ATRX: variants seen among roughly 807,000 people sequenced by gnomAD.
The protein encoded by ATRX is chromatin remodeler ATRX.
In ATRX, 12 loss-of-function variants were observed where a neutral mutation model predicts 172.6. That is an observed-to-expected ratio of 0.07 (90% CI 0.04 to 0.11). ATRX has a LOEUF of 0.11. ATRX is among the 10% of genes least tolerant of loss of function. The probability of loss-of-function intolerance (pLI) is 1.00; values close to 1 mark genes in which losing one functional copy is unlikely to be tolerated. For missense variants in ATRX, 1,368 were observed against 1,767.4 expected, an observed-to-expected ratio of 0.77 and a Z score of 4.05; for synonymous variants, 674 against 594.7, an observed-to-expected ratio of 1.13 and a Z score of -1.94.
At chrX:77,684,662 A>T in intron 8 of ATRX, 69 bp from the exon 9 acceptor site, 1 of 1,067,765 alleles carries the variant, frequency 9.4e-7, no homozygotes, top group Non-Finnish European at 1.3e-6. Context: ...GTAAAAAAAT[A>T]AAAATAAACA....
intron 1 of ATRX, among the ~76,000 whole-genome samples, chrX:77,762,910 A>G: frequency 9.0e-6 from 1 of 111,238 alleles, no homozygotes. Context: ...CCAGAAGAAA[A>G]AAAATCAACT....
At chrX:77,553,971 T>C (rs1189342922) in intron 30 of ATRX, among the ~76,000 whole-genome samples, 1 of 111,734 alleles carries the variant, frequency 8.9e-6, no homozygotes, top group African/African-American at 3.3e-5. Flanking sequence ...CCCCAAAAAG[T>C]TTAAATCAAT....
intron 1 of ATRX, among the ~76,000 whole-genome samples, chrX:77,728,501 A>T (rs1351556946): frequency 8.9e-6 from 1 of 111,823 alleles, no homozygotes; most frequent in East Asian, 2.8e-4. Context: ...TGCATGAAGA[A>T]ATGAATATAA....
chrX:77,696,597 G>T lies in ATRX; in HGVS notation c.350C>A (p.Thr117Asn). The T allele has an allele frequency of 8.3e-7, 1 of 1,206,505 alleles. No individual in the cohort carries two copies. Among genetic ancestry groups the T allele is most frequent in the Non-Finnish European group, 1.1e-6 (1 of 891,147 alleles). The change falls in exon 5 of 35, where the codon ACT (threonine) becomes AAT (asparagine). Residue 117 changes from threonine to asparagine, a missense_variant. By Grantham distance (65) the Thr-to-Asn change is moderately conservative. Around this residue, in one of 17 missense-constraint regions of ATRX, gnomAD observed 84 missense variants for 82.8 expected, o/e 1.01. Transcript: ENST00000373344. ...ASNENSENDI[T>N]MQSLPKGTVI... The stretch of plus-strand genomic sequence containing the variant: ...ATTACCTTTTGGCAAGCTCTGCATA[G>T]TAATATCATTTTCTGAATTTTCATT...
chrX:77,658,085 C>T (rs781966853), intron 12 of ATRX, among the ~76,000 whole-genome samples: 21 of 110,930 alleles, frequency 1.9e-4, no homozygotes, highest in Non-Finnish European at 4.0e-4. Context: ...ATGGTACACA[C>T]CTGTGGTCCC....
At chrX:77,617,074 G>A (rs935701115) in intron 21 of ATRX, among the ~76,000 whole-genome samples, 2 of 111,632 alleles carry the variant, frequency 1.8e-5, no homozygotes, top group Non-Finnish European at 3.8e-5. Context: ...GATGTAGTAG[G>A]TAGTGTGAGC....
At chrX:77,549,931 G>C (rs2064407697) in intron 30 of ATRX, among the ~76,000 whole-genome samples, 1 of 111,296 alleles carries the variant, frequency 9.0e-6, no homozygotes, top group African/African-American at 3.3e-5. Flanking sequence ...ACCAGCCTAG[G>C]CAATAGAACG....
chrX:77,615,221 A>C (rs782493910), intron 22 of ATRX, among the ~76,000 whole-genome samples: 1 of 110,525 alleles, frequency 9.0e-6, no homozygotes, highest in East Asian at 2.8e-4. Context: ...CTAGTCCCCA[A>C]CTCCTGAGCT....
chrX:77,552,673 G>A (rs2064601156), intron 30 of ATRX, among the ~76,000 whole-genome samples: 1 of 111,438 alleles, frequency 9.0e-6, no homozygotes, highest in Non-Finnish European at 1.9e-5. Flanking sequence ...AGCACAGAAT[G>A]CAGTTCTTGC....
intron 28 of ATRX, among the ~76,000 whole-genome samples, chrX:77,565,590 T>C (rs1301406586): frequency 8.9e-6 from 1 of 112,086 alleles, no homozygotes; most frequent in Non-Finnish European, 1.9e-5. Flanking sequence ...GCACAGCAGC[T>C]CAGGCCTGTA....
chrX:77,648,596 A>G (rs868908414), intron 15 of ATRX, among the ~76,000 whole-genome samples: 10 of 102,673 alleles, frequency 9.7e-5, no homozygotes, highest in Non-Finnish European at 1.4e-4. Flanking sequence ...CAAACAATAG[A>G]AAAAAAATTA....
chrX:77,754,161 CCTT>C (rs1408155755), intron 1 of ATRX, among the ~76,000 whole-genome samples: 3 of 111,027 alleles, frequency 2.7e-5, no homozygotes, highest in African/African-American at 9.8e-5. Flanking sequence ...TTACAACACC[CCTT>C]TTTTTTTTGT....
intron 10 of ATRX, among the ~76,000 whole-genome samples, chrX:77,666,763 G>A (rs1388091926): frequency 8.9e-6 from 1 of 111,859 alleles, no homozygotes; most frequent in Non-Finnish European, 1.9e-5. Flanking sequence ...AGGAGGCTGA[G>A]GCAGGAGAAT....
At chrX:77,581,546 G>A (rs1177749298) in intron 27 of ATRX, among the ~76,000 whole-genome samples, 7 of 111,434 alleles carry the variant, frequency 6.3e-5, no homozygotes, top group Admixed American at 1.9e-4. Flanking sequence ...TCAACCCTGG[G>A]AGCACCCACA....
At chrX:77,588,659 T>A (rs1457275891) in intron 27 of ATRX, among the ~76,000 whole-genome samples, 1 of 111,155 alleles carries the variant, frequency 9.0e-6, no homozygotes, top group African/African-American at 3.3e-5. Flanking sequence ...CGGAACTATT[T>A]TTTTTTTAAT....
At chrX:77,713,841 C>T (rs1161122313) in intron 2 of ATRX, among the ~76,000 whole-genome samples, 1 of 111,474 alleles carries the variant, frequency 9.0e-6, no homozygotes, top group Non-Finnish European at 1.9e-5. Context: ...CAAGATTCTA[C>T]ACCGCAAATC....
At chrX:77,641,403 C>A (rs1160786234) in intron 15 of ATRX, among the ~76,000 whole-genome samples, 1 of 109,415 alleles carries the variant, frequency 9.1e-6, no homozygotes, top group Non-Finnish European at 1.9e-5. Context: ...CGTGGTGAAA[C>A]CTCGTCTCTA....
At chrX:77,762,769 TTAA>T (rs782416294) in intron 1 of ATRX, among the ~76,000 whole-genome samples, 1 of 111,169 alleles carries the variant, frequency 9.0e-6, no homozygotes, top group East Asian at 2.8e-4. Context: ...AATCTAGATG[TTAA>T]TAATATTGGT....
intron 30 of ATRX, among the ~76,000 whole-genome samples, chrX:77,542,924 A>T (rs187127866): frequency 8.9e-6 from 1 of 112,103 alleles, no homozygotes; most frequent in East Asian, 2.8e-4. Context: ...TGTCTAAAAA[A>T]CCAAAAGCAA....
Sources: gnomAD v4.1 joint callset for allele counts (sites outside exome capture counted in the v4.1 genomes callset) on GRCh38, gnomAD v4.1.1 for gene constraint, gnomAD v4.1.1 regional missense constraint, MANE v1.5 for transcripts, NCBI Gene and HGNC (gene_info 2026-07-23, HGNC 2026-07-21) for gene names.